RPS10: variants seen among roughly 807,000 people sequenced by gnomAD.
RPS10 encodes the protein ribosomal protein S10.
RPS10 carries 2 observed loss-of-function variants against 22.6 expected under a neutral mutation model. The observed-to-expected ratio is 0.09, with a 90% CI of 0.04 to 0.28. The LOEUF (loss-of-function observed/expected upper bound fraction) is 0.28. Ranked by LOEUF, RPS10 falls within the 10% of genes least tolerant of loss-of-function variation. The pLI, the probability that RPS10 is intolerant of heterozygous loss-of-function variation, is 1.00. For synonymous variants in RPS10, 70 were observed against 75.9 expected, an observed-to-expected ratio of 0.92 and a Z score of 0.40; for missense variants, 137 against 222.2, an observed-to-expected ratio of 0.62 and a Z score of 2.44.
At chr6:34,421,597 G>A in intron 4 of RPS10, 133 bp downstream of exon 4, 1 of 962,428 alleles carries the variant, frequency 1.0e-6, no homozygotes, top group Non-Finnish European at 1.7e-6. Flanking sequence ...CTGATGCTCT[G>A]CAGAGTGAAA....
At chr6:34,425,263 G>A (rs1349905903) in intron 1 of RPS10, 42 bp from the exon 2 acceptor site, 2 of 1,569,518 alleles carry the variant, frequency 1.3e-6, no homozygotes, top group South Asian at 2.3e-5. Flanking sequence ...TCTGAGTAAC[G>A]AGGCCGGGGC....
At position 34,418,937 on chromosome 6, in the gene RPS10, C is replaced by T. The variant is rs560355133; in HGVS notation, c.401-513G>A. On this transcript the variant is annotated intron_variant, in intron 4 of 5. Coordinates refer to ENST00000648437, the MANE Select transcript of RPS10 (RefSeq NM_001014.5). ...TCACCCAGGATGGAGTGCAGTGGTA[C>T]GATCTCAGCTCACTACAACCTCTGC... Among the ~76,000 whole-genome samples the T allele has an allele frequency of 2.0e-5, 3 of 152,060 alleles. No individual in the cohort carries two copies. In the South Asian group the frequency reaches 6.2e-4, roughly 32 times the overall value.
chr6:34,425,260 A>G (rs1765915731), intron 1 of RPS10, 39 bp from the exon 2 acceptor site: 1 of 1,574,170 alleles, frequency 6.4e-7, no homozygotes, highest in East Asian at 2.3e-5. Flanking sequence ...ACTTCTGAGT[A>G]ACGAGGCCGG....
At chr6:34,420,644 G>C (rs1244523858) in intron 4 of RPS10, among the ~76,000 whole-genome samples, 1 of 152,086 alleles carries the variant, frequency 6.6e-6, no homozygotes, top group Non-Finnish European at 1.5e-5. Flanking sequence ...ACAGAAAAAA[G>C]CTAAGAGTGG....
rs773198589 is a variant in RPS10, at chr6:34,418,186, T to C, written c.456+183A>G. 47 of 1,501,950 alleles carry C rather than the reference T, an allele frequency of 3.1e-5. No individual in the cohort carries two copies. The African/African-American group carries it at 4.4e-4, about 14-fold the overall frequency. The allele number at this position is 1,501,950 out of a possible 1,614,324, so 93.0% of individuals were successfully genotyped here. ...TTCTGAGACTCATTTCAGTAATTTA[T>C]GTATTTACAAAAGTTTGCATGCTAC... On this transcript the variant is annotated intron_variant, in intron 5 of 5. Coordinates refer to ENST00000648437, the MANE Select transcript of RPS10 (RefSeq NM_001014.5).
At chr6:34,425,278 T>C in intron 1 of RPS10, 57 bp from the exon 2 acceptor site, 2 of 1,551,178 alleles carry the variant, frequency 1.3e-6, no homozygotes, top group Non-Finnish European at 1.7e-6. Flanking sequence ...CGGGGCCCGG[T>C]AATCAAGTTC....
intron 1 of RPS10, chr6:34,425,617 G>C (rs1373726499): frequency 3.6e-6 from 1 of 280,068 alleles, no homozygotes; most frequent in Non-Finnish European, 7.1e-6. Context: ...GAGGGGTAAA[G>C]CCCCGGCTTC....
At chr6:34,422,603 C>A (rs1305576652) in intron 3 of RPS10, among the ~76,000 whole-genome samples, 4 of 152,106 alleles carry the variant, frequency 2.6e-5, no homozygotes, top group Admixed American at 1.3e-4. Context: ...GCACGAGCCA[C>A]CACGCCCAGG....
At chr6:34,421,613 A>T (rs1765772174) in intron 4 of RPS10, 117 bp downstream of exon 4, 1 of 1,170,826 alleles carries the variant, frequency 8.5e-7, no homozygotes, top group South Asian at 1.2e-5. Flanking sequence ...TGAAACCAAG[A>T]ATCTTTCCTG....
At chr6:34,420,936 A>G (rs973915978) in intron 4 of RPS10, among the ~76,000 whole-genome samples, 5 of 151,292 alleles carry the variant, frequency 3.3e-5, no homozygotes, top group South Asian at 4.2e-4. Flanking sequence ...TGAACCCAGG[A>G]GGCAGAGCTT....
intron 3 of RPS10, among the ~76,000 whole-genome samples, chr6:34,423,017 T>C (rs978577722): frequency 1.3e-5 from 2 of 151,960 alleles, no homozygotes; most frequent in Non-Finnish European, 2.9e-5. Context: ...GAGGCAGAGG[T>C]TGCAGTAAAT....
intron 4 of RPS10, among the ~76,000 whole-genome samples, chr6:34,421,447 T>A (rs577643557): frequency 2.0e-5 from 3 of 148,992 alleles, no homozygotes; most frequent in East Asian, 3.9e-4. Flanking sequence ...ACCCCCCCCC[T>A]CCAACCAAAG....
Position 34,421,724 on chromosome 6 carries a change from A to G in RPS10, c.400+6T>C. On this transcript the variant is annotated splice_donor_region_variant and intron_variant, in intron 4 of 5. Coordinates refer to ENST00000648437, the MANE Select transcript of RPS10 (RefSeq NM_001014.5). ...CACCCCTAATATAGGTGATGCATTT[A>G]CTCACGTGGCACAGCACTCCGTCTG... 4 of 1,613,376 alleles carry G rather than the reference A, an allele frequency of 2.5e-6. No individual in the cohort carries two copies. Among genetic ancestry groups the G allele is most frequent in the Non-Finnish European group, 3.4e-6 (4 of 1,179,782 alleles).
chr6:34,420,924 C>T (rs1002991472), intron 4 of RPS10, among the ~76,000 whole-genome samples: 4 of 151,038 alleles, frequency 2.6e-5, no homozygotes, highest in Admixed American at 6.6e-5. Flanking sequence ...AGGAGAGTGG[C>T]GTGAACCCAG....
At chr6:34,420,581 C>T (rs550037372) in intron 4 of RPS10, among the ~76,000 whole-genome samples, 4 of 152,232 alleles carry the variant, frequency 2.6e-5, no homozygotes, top group African/African-American at 9.6e-5. Flanking sequence ...AAATTCATTC[C>T]TTCTACTACC....
At chr6:34,424,140 T>TTAAAAAAAA (rs1554164086) in intron 3 of RPS10, 5 of 49,114 alleles carry the variant, frequency 1.0e-4, no homozygotes, top group African/African-American at 4.2e-4. Context: ...AAGACTCCGT[T>TTAAAAAAAA]AAAAAAAAAA....
intron 4 of RPS10, among the ~76,000 whole-genome samples, chr6:34,421,210 G>A (rs575998077): frequency 2.7e-5 from 4 of 148,792 alleles, no homozygotes; most frequent in Admixed American, 6.8e-5. Context: ...CCCTATCCTC[G>A]TGCCCAGTGT....
chr6:34,424,912 A>G, intron 2 of RPS10, 72 bp from the exon 3 acceptor site: 1 of 1,610,552 alleles, frequency 6.2e-7, no homozygotes, highest in South Asian at 1.1e-5. Context: ...CTCCAGTCCC[A>G]GCCAGCCCTT....
Position 34,424,221 on chromosome 6 carries a change from A to C in RPS10, c.322+448T>G, listed in dbSNP as rs577602460. On this transcript the variant is annotated intron_variant, in intron 3 of 5. Coordinates refer to ENST00000648437, the MANE Select transcript of RPS10 (RefSeq NM_001014.5). Reference sequence around the variant, plus strand: ...CAGAAGATAATTCTCCTCACACCACACATGCATGCATATCCTTTCACATCG... The same window carrying C: ...CAGAAGATAATTCTCCTCACACCACCCATGCATGCATATCCTTTCACATCG... The C allele has an allele frequency of 1.1e-3, 202 of 176,120 alleles. 3 individuals carry two copies. The highest frequency in any genetic ancestry group is 1.9e-3 in the Admixed American group (34 of 17,618). The allele number at this position is 176,120 out of a possible 1,614,324, so 10.9% of individuals were successfully genotyped here.
Sources: allele counts gnomAD v4.1 joint callset (sites outside exome capture counted in the v4.1 genomes callset), GRCh38; gene constraint gnomAD v4.1.1; transcripts MANE v1.5; gene names NCBI Gene and HGNC (gene_info 2026-07-23, HGNC 2026-07-21).